Variants in ADAM23 observed in about 807,000 individuals in gnomAD.
ADAM23 encodes the protein disintegrin and metalloproteinase domain-containing protein 23.
Under a neutral mutation model 120.1 loss-of-function variants are expected in ADAM23, and 33 were observed. The observed-to-expected ratio is 0.27, with a 90% CI of 0.21 to 0.37. ADAM23 has a LOEUF of 0.37. ADAM23 is among the 10% of genes least tolerant of loss of function. ADAM23 has a pLI of 1.00. For synonymous variants in ADAM23, 367 were observed against 375.2 expected, an observed-to-expected ratio of 0.98 and a Z score of 0.25; for missense variants, 862 against 1,058.2, an observed-to-expected ratio of 0.81 and a Z score of 2.57.
At chr2:206,454,529 C>T (rs1024491613) in intron 2 of ADAM23, among the ~76,000 whole-genome samples, 7 of 152,218 alleles carry the variant, frequency 4.6e-5, no homozygotes, top group Non-Finnish European at 1.0e-4. Context: ...ACCAATCATA[C>T]CTTCCAACAG....
chr2:206,445,458 C>A lies in ADAM23; in HGVS notation c.366C>A (p.Asn122Lys). The A allele has an allele frequency of 6.2e-7, 1 of 1,614,096 alleles. No homozygotes were observed. Among genetic ancestry groups the A allele is most frequent in the Non-Finnish European group, 8.5e-7 (1 of 1,180,006 alleles). ...TLPSRLIYYI[N>K]QDSESPYHVL... is the part of the protein sequence containing the mutation. ...CTTCAAGACTCATATATTACATCAA[C>A]CAAGACTCGGAAAGCCCTTATCACG... Residue 122 changes from asparagine to lysine, a missense_variant, in exon 2 of 26, where the codon AAC (asparagine) becomes AAA (lysine). Around this residue, in one of 4 missense-constraint regions of ADAM23, gnomAD observed 225 missense variants for 204.0 expected, o/e 1.10. Transcript: ENST00000264377.
At chr2:206,516,799 GA>G (rs1487095071) in intron 3 of ADAM23, among the ~76,000 whole-genome samples, 5 of 152,016 alleles carry the variant, frequency 3.3e-5, no homozygotes, top group African/African-American at 1.2e-4. Context: ...AGTGTAAAAA[GA>G]AAAGTTCACG....
chr2:206,594,637 C>A, intron 22 of ADAM23, 100 bp from the exon 23 acceptor site: 1 of 1,335,886 alleles, frequency 7.5e-7, no homozygotes, highest in Non-Finnish European at 1.0e-6. Context: ...AATCCACATC[C>A]ACTGACAGCC....
intron 2 of ADAM23, among the ~76,000 whole-genome samples, chr2:206,471,075 A>G (rs903259310): frequency 3.9e-5 from 6 of 152,226 alleles, no homozygotes; most frequent in South Asian, 4.1e-4. Flanking sequence ...AAACCTATCA[A>G]CAAGGATCAG....
At chr2:206,530,552 C>G (rs992518711) in intron 3 of ADAM23, among the ~76,000 whole-genome samples, 3 of 148,748 alleles carry the variant, frequency 2.0e-5, no homozygotes, top group Admixed American at 1.4e-4. Flanking sequence ...GGAGGCGGAG[C>G]TTGCAGTGAG....
intron 9 of ADAM23, among the ~76,000 whole-genome samples, chr2:206,554,543 A>C (rs1476793925): frequency 2.0e-5 from 3 of 152,176 alleles, no homozygotes; most frequent in African/African-American, 7.2e-5. Flanking sequence ...GGTTTTCCTT[A>C]CTTAAAAACC....
At chr2:206,473,599 T>TAATAATAATAAC (rs545339986) in intron 2 of ADAM23, among the ~76,000 whole-genome samples, 45 of 148,554 alleles carry the variant, frequency 3.0e-4, no homozygotes, top group Non-Finnish European at 3.1e-4. Flanking sequence ...ATAATAATAA[T>TAATAATAATAAC]AACAACAACA....
At chr2:206,537,888 C>G (rs1443520616) in intron 4 of ADAM23, among the ~76,000 whole-genome samples, 3 of 152,122 alleles carry the variant, frequency 2.0e-5, no homozygotes, top group Admixed American at 6.5e-5. Context: ...CACTAAATCA[C>G]TTAAATTAGA....
At chr2:206,568,289 A>C (rs1238905412) in intron 15 of ADAM23, among the ~76,000 whole-genome samples, 1 of 152,190 alleles carries the variant, frequency 6.6e-6, no homozygotes, top group Admixed American at 6.5e-5. Context: ...CATCTCGTCA[A>C]ACTTTGTGTA....
chr2:206,524,474 A>G (rs1696904922), intron 3 of ADAM23, among the ~76,000 whole-genome samples: 1 of 152,170 alleles, frequency 6.6e-6, no homozygotes, highest in East Asian at 1.9e-4. Context: ...AGGCTTTCCT[A>G]AAACAGTGGC....
intron 2 of ADAM23, among the ~76,000 whole-genome samples, chr2:206,463,505 G>A (rs988588116): frequency 1.3e-5 from 2 of 152,192 alleles, no homozygotes; most frequent in Non-Finnish European, 2.9e-5. Flanking sequence ...AATTTATGTT[G>A]TTTTAAGCCC....
intron 3 of ADAM23, among the ~76,000 whole-genome samples, chr2:206,508,131 G>A (rs1484801366): frequency 1.3e-5 from 2 of 152,036 alleles, no homozygotes; most frequent in African/African-American, 2.4e-5. Context: ...CCAGGTTCAC[G>A]CCATTCTCCT....
intron 22 of ADAM23, 33 bp downstream of exon 22, chr2:206,592,769 C>A: frequency 6.4e-7 from 1 of 1,566,498 alleles, no homozygotes; most frequent in South Asian, 1.2e-5. Flanking sequence ...ACCTAATAAG[C>A]CATGAGAATT....
chr2:206,490,119 A>G (rs1696100283), intron 3 of ADAM23, among the ~76,000 whole-genome samples: 1 of 152,190 alleles, frequency 6.6e-6, no homozygotes. Context: ...GAAAAGAGAA[A>G]GTTTGGACAC....
At chr2:206,581,220 A>G (rs543172416) in intron 18 of ADAM23, among the ~76,000 whole-genome samples, 131 of 151,918 alleles carry the variant, frequency 8.6e-4, no homozygotes, top group African/African-American at 3.1e-3. Context: ...TTTCAATTTC[A>G]TTTAGTTCTG....
At chr2:206,472,670 G>A (rs564458701) in intron 2 of ADAM23, among the ~76,000 whole-genome samples, 17 of 151,696 alleles carry the variant, frequency 1.1e-4, no homozygotes, top group Admixed American at 2.6e-4. Flanking sequence ...AGAGGAAGAT[G>A]AATTTGGAAT....
chr2:206,478,166 C>A (rs1295257346), intron 2 of ADAM23, among the ~76,000 whole-genome samples: 3 of 151,584 alleles, frequency 2.0e-5, no homozygotes, highest in Non-Finnish European at 4.4e-5. Flanking sequence ...TCTGTACTGT[C>A]TAAGCACTTG....
At chr2:206,549,989 CAG>C in intron 8 of ADAM23, 104 bp from the exon 9 acceptor site, 2 of 588,976 alleles carry the variant, frequency 3.4e-6, no homozygotes, top group Non-Finnish European at 5.6e-6. Context: ...AAGTAGGCAG[CAG>C]AGAGTTGTTC....
intron 3 of ADAM23, among the ~76,000 whole-genome samples, chr2:206,505,016 C>T (rs1048761543): frequency 6.6e-6 from 1 of 152,182 alleles, no homozygotes; most frequent in African/African-American, 2.4e-5. Flanking sequence ...TTGAGGTCTT[C>T]AGTACCAGAT....
Sources: allele counts gnomAD v4.1 joint callset (sites outside exome capture counted in the v4.1 genomes callset), GRCh38; gene constraint gnomAD v4.1.1; regional missense constraint gnomAD v4.1.1; transcripts MANE v1.5; gene names NCBI Gene and HGNC (gene_info 2026-07-23, HGNC 2026-07-21).